USH2A: variants seen among roughly 807,000 people sequenced by gnomAD.
USH2A encodes the protein usherin.
USH2A carries 443 observed loss-of-function variants against 538.9 expected under a neutral mutation model. The observed-to-expected ratio is 0.82, with a 90% CI of 0.76 to 0.89. The LOEUF is 0.89. Ranked by LOEUF, USH2A falls within the 40% of genes least tolerant of loss-of-function variation. USH2A has a pLI of 0.00. For missense variants in USH2A, 6,633 were observed against 6,324.8 expected (o/e 1.05, Z -1.65); for synonymous variants, 2,413 against 2,273.5 (o/e 1.06, Z -1.75).
At chr1:215,798,630 C>T (rs1662208386) in intron 50 of USH2A, among the ~76,000 whole-genome samples, 1 of 152,038 alleles carries the variant, frequency 6.6e-6, no homozygotes, top group African/African-American at 2.4e-5. Flanking sequence ...ATATTCTTTT[C>T]ATTCATAACC....
chr1:216,387,525 G>C (rs1454638035), intron 3 of USH2A, among the ~76,000 whole-genome samples: 1 of 152,106 alleles, frequency 6.6e-6, no homozygotes, highest in Non-Finnish European at 1.5e-5. Context: ...GATGCTGAAC[G>C]TTTTGTAATT....
intron 61 of USH2A, among the ~76,000 whole-genome samples, chr1:215,715,930 C>A (rs1040422961): frequency 6.6e-6 from 1 of 152,152 alleles, no homozygotes; most frequent in Non-Finnish European, 1.5e-5. Context: ...TGTGTAATAA[C>A]CTTAATTTCT....
chr1:215,674,713 C>A lies in USH2A; in HGVS notation c.13198G>T (p.Ala4400Ser), dbSNP rs541022183. 211 of 1,614,120 alleles carry A rather than the reference C, an allele frequency of 1.3e-4. 2 individuals are homozygous for A. The South Asian group carries it at 2.2e-3, about 17-fold the overall frequency. The part of the protein sequence containing the change: ...LVRYDNKESL[A>S]GQGLCLLVSH... ...ACCAGCAGGCACAGGCCCTGGCCAG[C>A]AAGGGACTCTTTATTATCATATCTA... The change falls in exon 63 of 72, where the codon GCT becomes TCT. Residue 4400 changes from alanine to serine, a missense_variant. Physicochemically the swap from Ala to Ser is moderately conservative, Grantham distance 99. Transcript: ENST00000307340.
intron 61 of USH2A, 146 bp downstream of exon 61, chr1:215,727,884 G>A (rs1354815221): frequency 9.5e-6 from 9 of 942,744 alleles, no homozygotes; most frequent in South Asian, 3.0e-5. Flanking sequence ...TCTTATCCCC[G>A]TGACTACATT....
intron 21 of USH2A, among the ~76,000 whole-genome samples, chr1:216,142,026 C>A (rs1174600088): frequency 6.7e-6 from 1 of 149,798 alleles, no homozygotes; most frequent in Non-Finnish European, 1.5e-5. Context: ...ACACCAAAAA[C>A]AACACACATT....
At chr1:216,046,647 C>T in intron 31 of USH2A, 55 bp from the exon 32 acceptor site, 1 of 1,595,742 alleles carries the variant, frequency 6.3e-7, no homozygotes, top group Non-Finnish European at 8.6e-7. Context: ...CTAATTCAAA[C>T]TTTTCAGACC....
At chr1:215,824,107 C>T (rs1663090463) in intron 47 of USH2A, among the ~76,000 whole-genome samples, 1 of 151,994 alleles carries the variant, frequency 6.6e-6, no homozygotes, top group African/African-American at 2.4e-5. Context: ...AACACACCAC[C>T]GTCCTGCATA....
chr1:216,353,558 G>T (rs767365257), intron 4 of USH2A, among the ~76,000 whole-genome samples: 15 of 152,188 alleles, frequency 9.9e-5, no homozygotes, highest in Non-Finnish European at 2.1e-4. Context: ...TAATTAAAAC[G>T]TCGATGCCTG....
intron 61 of USH2A, among the ~76,000 whole-genome samples, chr1:215,727,130 T>C (rs1659843889): frequency 2.6e-5 from 4 of 152,140 alleles, no homozygotes. Context: ...AAATCACCAG[T>C]AAGCCATAGT....
chr1:215,732,153 C>T (rs535991826), intron 60 of USH2A, among the ~76,000 whole-genome samples: 1 of 152,124 alleles, frequency 6.6e-6, no homozygotes, highest in East Asian at 1.9e-4. Context: ...AAATGCAGAC[C>T]CTGAACTAGA....
chr1:215,751,319 A>G (rs1434125988), intron 58 of USH2A, among the ~76,000 whole-genome samples: 1 of 152,098 alleles, frequency 6.6e-6, no homozygotes, highest in Non-Finnish European at 1.5e-5. Flanking sequence ...TCCTTCTTTA[A>G]TGGAGTAAGA....
At chr1:216,048,385 A>G in intron 31 of USH2A, 149 bp downstream of exon 31, 1 of 788,130 alleles carries the variant, frequency 1.3e-6, no homozygotes, top group East Asian at 2.6e-5. Flanking sequence ...CACCCCCCCA[A>G]AAAATGGAGC....
At chr1:215,839,736 A>G (rs1296321748) in intron 46 of USH2A, among the ~76,000 whole-genome samples, 1 of 152,192 alleles carries the variant, frequency 6.6e-6, no homozygotes, top group Non-Finnish European at 1.5e-5. Context: ...TGCTAAAACG[A>G]TATTGTATAA....
intron 14 of USH2A, among the ~76,000 whole-genome samples, chr1:216,228,492 TG>T (rs919978269): frequency 1.3e-5 from 2 of 152,134 alleles, no homozygotes; most frequent in African/African-American, 4.8e-5. Flanking sequence ...GATTGAATTA[TG>T]GGGTAGGGTC....
intron 52 of USH2A, among the ~76,000 whole-genome samples, chr1:215,786,156 T>C (rs1180137668): frequency 2.0e-5 from 3 of 152,174 alleles, no homozygotes; most frequent in Admixed American, 6.5e-5. Flanking sequence ...AGATGGTACA[T>C]AGAAATTAAT....
At chr1:216,145,712 C>T (rs757483347) in intron 21 of USH2A, among the ~76,000 whole-genome samples, 3 of 152,086 alleles carry the variant, frequency 2.0e-5, no homozygotes, top group Non-Finnish European at 4.4e-5. Flanking sequence ...TATGTCCTGC[C>T]CCACCTTAAC....
intron 11 of USH2A, among the ~76,000 whole-genome samples, chr1:216,275,787 A>G (rs1162212955): frequency 1.3e-5 from 2 of 152,162 alleles, no homozygotes; most frequent in East Asian, 1.9e-4. Flanking sequence ...ATTCCAATAA[A>G]TTAATTTGCT....
chr1:215,856,508 AC>A (rs1204926113), intron 44 of USH2A, among the ~76,000 whole-genome samples: 4 of 152,144 alleles, frequency 2.6e-5, no homozygotes, highest in African/African-American at 4.8e-5. Flanking sequence ...GTACCATCTT[AC>A]TCCTGCAAGA....
At chr1:216,028,041 A>G (rs2102508059) in intron 32 of USH2A, among the ~76,000 whole-genome samples, 1 of 152,292 alleles carries the variant, frequency 6.6e-6, no homozygotes, top group African/African-American at 2.4e-5. Context: ...TTCTTCACTG[A>G]GAAAATGGGA....
Sources: allele counts gnomAD v4.1 joint callset (sites outside exome capture counted in the v4.1 genomes callset), GRCh38; gene constraint gnomAD v4.1.1; transcripts MANE v1.5; gene names NCBI Gene and HGNC (gene_info 2026-07-23, HGNC 2026-07-21).